The following POLK variants were observed in gnomAD, a reference collection of about 807,000 sequenced individuals.
POLK encodes the protein DNA polymerase kappa.
POLK carries 76 observed loss-of-function variants against 94.0 expected under a neutral mutation model. That is an observed-to-expected ratio of 0.81 (90% confidence interval 0.67 to 0.98). POLK has a LOEUF of 0.98. Ranked by LOEUF, POLK falls within the 50% of genes least tolerant of loss-of-function variation. POLK has a pLI of 0.00. For synonymous variants in POLK, 349 were observed against 325.4 expected (o/e 1.07, Z -0.78); for missense variants, 954 against 1,010.1 (o/e 0.94, Z 0.75).
At chr5:75,608,410 G>A in the POLK span, among the ~76,000 whole-genome samples, 1 of 152,070 alleles carries the variant, frequency 6.6e-6, no homozygotes, top group Non-Finnish European at 1.5e-5. Flanking sequence ...GCCCAGGTTG[G>A]CCTCAAACTC....
At chr5:75,580,313 T>C (rs577076014) in intron 6 of POLK, among the ~76,000 whole-genome samples, 1 of 152,128 alleles carries the variant, frequency 6.6e-6, no homozygotes, top group Non-Finnish European at 1.5e-5. Flanking sequence ...ACCTTGGTTG[T>C]TATAAATACA....
chr5:75,589,140 T>A (rs2112857256), intron 10 of POLK, among the ~76,000 whole-genome samples: 1 of 152,256 alleles, frequency 6.6e-6, no homozygotes, highest in African/African-American at 2.4e-5. Context: ...GGTTACTCAC[T>A]GCATTTTTTA....
intron 3 of POLK, among the ~76,000 whole-genome samples, chr5:75,564,212 G>T (rs907996733): frequency 1.3e-5 from 2 of 151,982 alleles, no homozygotes; most frequent in African/African-American, 4.8e-5. Flanking sequence ...GACTGGGATT[G>T]CAACCCCTGC....
intron 3 of POLK, among the ~76,000 whole-genome samples, chr5:75,552,857 G>GA (rs1411642996): frequency 6.6e-6 from 1 of 152,120 alleles, no homozygotes; most frequent in African/African-American, 2.4e-5. Context: ...TGCCCAGCTT[G>GA]ATAGGACAGG....
Position 75,569,511 on chromosome 5 carries a change from CA to C in POLK, c.408+24del. On this transcript the variant is annotated intron_variant, in intron 4 of 14. Coordinates refer to ENST00000241436, the Ensembl canonical transcript of POLK. ...TATGCTGGTAAGTAAAGATCAAATA[CA>C]AAAAGGAAATTTTATAACGTACTCA... The C allele has an allele frequency of 6.3e-7, 1 of 1,588,110 alleles. No homozygotes were observed. Among genetic ancestry groups the C allele is most frequent in the Non-Finnish European group, 8.6e-7 (1 of 1,167,228 alleles).
intron 14 of POLK, 35 bp downstream of exon 14, chr5:75,597,824 C>T: frequency 4.4e-6 from 6 of 1,365,584 alleles, no homozygotes; most frequent in Non-Finnish European, 5.9e-6. Context: ...AAGCTGGCTA[C>T]AATATGAAAA....
At chr5:75,569,481 A>G (rs193245518) in exon 4 of POLK, 138 of 1,611,908 alleles carry the variant, frequency 8.6e-5, no homozygotes, top group Admixed American at 5.0e-5. Flanking sequence ...TGTAGGATCA[A>G]TGAGTATGCT....
chr5:75,560,890 C>T (rs1017391929), intron 3 of POLK, among the ~76,000 whole-genome samples: 9 of 152,130 alleles, frequency 5.9e-5, no homozygotes, highest in African/African-American at 2.2e-4. Context: ...GTATATGTGC[C>T]ACATTTTCTT....
At chr5:75,547,497 G>C (rs1220613965) in intron 2 of POLK, among the ~76,000 whole-genome samples, 1 of 151,124 alleles carries the variant, frequency 6.6e-6, no homozygotes. Context: ...GGTAAATAAA[G>C]ATCTTCATTC....
At chr5:75,560,369 C>A (rs910361879) in intron 3 of POLK, among the ~76,000 whole-genome samples, 2 of 152,220 alleles carry the variant, frequency 1.3e-5, no homozygotes, top group Non-Finnish European at 2.9e-5. Flanking sequence ...TTAATTCTTT[C>A]AATAACCTAT....
At chr5:75,608,285 C>T in the POLK span, among the ~76,000 whole-genome samples, 3 of 152,096 alleles carry the variant, frequency 2.0e-5, no homozygotes, top group South Asian at 2.1e-4. Flanking sequence ...CCTTGACCTC[C>T]GTGGCTCAGG....
At chr5:75,608,306 A>G in the POLK span, among the ~76,000 whole-genome samples, 1 of 151,822 alleles carries the variant, frequency 6.6e-6, no homozygotes, top group African/African-American at 2.4e-5. Context: ...CCATACTCCC[A>G]TCTCAGCTTC....
chr5:75,567,856 C>T (rs935783568), intron 3 of POLK, among the ~76,000 whole-genome samples: 2 of 152,198 alleles, frequency 1.3e-5, no homozygotes, highest in African/African-American at 4.8e-5. Flanking sequence ...CCAGGTCATT[C>T]AGTGAGCTGT....
At chr5:75,528,545 C>G (rs1318531639) in intron 1 of POLK, among the ~76,000 whole-genome samples, 1 of 151,726 alleles carries the variant, frequency 6.6e-6, no homozygotes, top group African/African-American at 2.4e-5. Flanking sequence ...AGCATGGTGG[C>G]TCATGTCTAT....
At chr5:75,609,199 AAGC>A in the POLK span, 2 of 152,162 alleles carry the variant, frequency 1.3e-5, no homozygotes, top group Non-Finnish European at 2.9e-5. Flanking sequence ...TAGAATTTGA[AAGC>A]AGTTTCAAAC....
intron 13 of POLK, 35 bp from the exon 14 acceptor site, chr5:75,597,712 C>G (rs1207452479): frequency 4.9e-6 from 6 of 1,225,448 alleles, no homozygotes; most frequent in Non-Finnish European, 6.8e-6. Flanking sequence ...TCATATTATT[C>G]ATTATGGAAT....
chr5:75,511,832 A>T, exon 1 of POLK: 1 of 1,550,592 alleles, frequency 6.4e-7, no homozygotes, highest in Non-Finnish European at 8.7e-7. Context: ...GTAGGGATGC[A>T]GCTGTGCTGC....
chr5:75,575,576 G>A (rs1771831151), intron 5 of POLK, among the ~76,000 whole-genome samples: 1 of 152,150 alleles, frequency 6.6e-6, no homozygotes, highest in Admixed American at 6.6e-5. Context: ...CTATGTAAAG[G>A]AAGTTAATAA....
At chr5:75,609,182 C>T in the POLK span, 2 of 151,902 alleles carry the variant, frequency 1.3e-5, no homozygotes, top group Non-Finnish European at 2.9e-5. Flanking sequence ...AAGTAAATTT[C>T]TTGGTTTAGA....
Sources: gnomAD v4.1 joint callset for allele counts (sites outside exome capture counted in the v4.1 genomes callset) on GRCh38, gnomAD v4.1.1 for gene constraint, MANE v1.5 for transcripts, NCBI Gene and HGNC (gene_info 2026-07-23, HGNC 2026-07-21) for gene names.